The following CEP128 variants were observed in gnomAD, a reference collection of about 807,000 sequenced individuals.
The protein encoded by CEP128 is centrosomal protein 128, also known as centrosomal protein 128kDa.
A neutral mutation model predicts 156.7 loss-of-function variants in CEP128; 132 were observed. The observed-to-expected ratio is 0.84, with a 90% CI of 0.73 to 0.97. The LOEUF (loss-of-function observed/expected upper bound fraction) is 0.97. Ranked by LOEUF, CEP128 falls within the 50% of genes least tolerant of loss-of-function variation. The pLI, the probability that CEP128 is intolerant of heterozygous loss-of-function variation, is 0.00. For missense variants in CEP128, 1,252 were observed against 1,281.9 expected, an observed-to-expected ratio of 0.98 and a Z score of 0.36; for synonymous variants, 469 against 448.9, an observed-to-expected ratio of 1.04 and a Z score of -0.57.
rs1234313412 is a variant in CEP128 at position 80,511,274 on chromosome 14, G to A, written c.3073-6254C>T. ...CTGGGAACCTTTTTATCATGGCTTC[G>A]ATCTCATTACTTGTTATTGGCCTAT... On this transcript the variant is annotated intron_variant, in intron 23 of 24. Coordinates refer to ENST00000555265, the MANE Select transcript of CEP128 (RefSeq NM_152446.5). 2.6e-5 allele frequency among the ~76,000 whole-genome samples: 4 copies of A among 151,702 alleles called. No homozygotes were observed. In the East Asian group the frequency reaches 7.7e-4, roughly 29 times the overall value.
chr14:80,644,577 G>A (rs1003281613), intron 19 of CEP128, among the ~76,000 whole-genome samples: 5 of 152,072 alleles, frequency 3.3e-5, no homozygotes, highest in African/African-American at 9.7e-5. Flanking sequence ...ACAGAATAAT[G>A]AGAAATCAAA....
chr14:80,657,521 C>T (rs1490373448), intron 19 of CEP128, among the ~76,000 whole-genome samples: 1 of 151,468 alleles, frequency 6.6e-6, no homozygotes, highest in Non-Finnish European at 1.5e-5. Context: ...AGTGGTGGTG[C>T]GCGCCTGTAA....
chr14:80,665,518 T>C (rs1227851972), intron 19 of CEP128, among the ~76,000 whole-genome samples: 1 of 152,172 alleles, frequency 6.6e-6, no homozygotes, highest in Non-Finnish European at 1.5e-5. Context: ...ACATACATTT[T>C]TAGCCTTATG....
intron 20 of CEP128, among the ~76,000 whole-genome samples, chr14:80,568,612 A>G (rs1387484503): frequency 6.6e-6 from 1 of 152,218 alleles, no homozygotes; most frequent in Non-Finnish European, 1.5e-5. Flanking sequence ...TTAAACTAAT[A>G]CAATGGCTGA....
intron 9 of CEP128, among the ~76,000 whole-genome samples, chr14:80,852,976 AG>A (rs1478127296): frequency 6.6e-6 from 1 of 151,948 alleles, no homozygotes; most frequent in Non-Finnish European, 1.5e-5. Context: ...GAATGCAAGG[AG>A]GGCTCAACAT....
chr14:80,592,138 C>G (rs1315779476), intron 19 of CEP128, among the ~76,000 whole-genome samples: 4 of 152,014 alleles, frequency 2.6e-5, no homozygotes, highest in Non-Finnish European at 4.4e-5. Context: ...TAGCAGAAGA[C>G]AAGAAATAAC....
chr14:80,758,508 GA>G (rs1899788143), intron 17 of CEP128, among the ~76,000 whole-genome samples: 2 of 141,350 alleles, frequency 1.4e-5, no homozygotes, highest in South Asian at 4.7e-4. Context: ...GGGGACAAGA[GA>G]GAGACTTTGT....
intron 23 of CEP128, among the ~76,000 whole-genome samples, chr14:80,506,542 C>A (rs1241058987): frequency 6.6e-6 from 1 of 151,294 alleles, no homozygotes; most frequent in Non-Finnish European, 1.5e-5. Flanking sequence ...ATGAAAGAAT[C>A]AAGAAATGTT....
At chr14:80,859,576 A>C (rs1424161286) in intron 9 of CEP128, among the ~76,000 whole-genome samples, 1 of 152,016 alleles carries the variant, frequency 6.6e-6, no homozygotes, top group Non-Finnish European at 1.5e-5. Flanking sequence ...TTTTAAAAAA[A>C]AGAAAGAAAA....
intron 18 of CEP128, among the ~76,000 whole-genome samples, chr14:80,754,668 T>G (rs1278829073): frequency 6.6e-6 from 1 of 151,908 alleles, no homozygotes; most frequent in Non-Finnish European, 1.5e-5. Context: ...TTCACCGTGT[T>G]AGCTAGGATG....
chr14:80,715,116 G>A (rs759191927), intron 19 of CEP128, among the ~76,000 whole-genome samples: 2 of 151,904 alleles, frequency 1.3e-5, no homozygotes, highest in African/African-American at 2.4e-5. Flanking sequence ...CAAGCTACTC[G>A]GAAGGCTGAG....
intron 9 of CEP128, among the ~76,000 whole-genome samples, chr14:80,857,234 GT>G (rs528258601): frequency 9.0e-5 from 12 of 133,234 alleles, no homozygotes; most frequent in East Asian, 4.4e-4. Context: ...TTTTTTTACA[GT>G]TTTTTTTTTG....
At chr14:80,714,034 T>C (rs1168267588) in intron 19 of CEP128, among the ~76,000 whole-genome samples, 1 of 152,214 alleles carries the variant, frequency 6.6e-6, no homozygotes, top group Admixed American at 6.5e-5. Context: ...TTAAATATTA[T>C]TGATGCACAG....
intron 19 of CEP128, among the ~76,000 whole-genome samples, chr14:80,702,248 G>T (rs1897099630): frequency 6.6e-6 from 1 of 152,096 alleles, no homozygotes; most frequent in Non-Finnish European, 1.5e-5. Context: ...ATTGTAGTAG[G>T]CACTAAACAA....
At chr14:80,533,577 T>C (rs1326385643) in intron 21 of CEP128, among the ~76,000 whole-genome samples, 1 of 152,188 alleles carries the variant, frequency 6.6e-6, no homozygotes, top group East Asian at 1.9e-4. Context: ...TGGATGTATA[T>C]TCAAACGGCT....
chr14:80,955,875 T>TAGGACCCAGAGATCAAGGGCATCTGCAG (rs376227433), intron 2 of CEP128: 52 of 1,613,880 alleles, frequency 3.2e-5, no homozygotes, highest in Non-Finnish European at 4.4e-5. Flanking sequence ...GAGATCAGGG[T>TAGGACCCAGAGATCAAGGGCATCTGCAG]AGGACCCAGA....
chr14:80,624,390 G>A (rs1232525331), intron 19 of CEP128, among the ~76,000 whole-genome samples: 1 of 152,042 alleles, frequency 6.6e-6, no homozygotes, highest in South Asian at 2.1e-4. Context: ...TAAACATTGG[G>A]GTGCAGGTAC....
At chr14:80,918,735 C>T (rs192253242) in intron 2 of CEP128, among the ~76,000 whole-genome samples, 44 of 152,202 alleles carry the variant, frequency 2.9e-4, no homozygotes, top group African/African-American at 1.1e-3. Flanking sequence ...CTTCTCAACT[C>T]CCTCTCATTT....
intron 8 of CEP128, among the ~76,000 whole-genome samples, chr14:80,891,345 T>C (rs546584198): frequency 3.2e-4 from 49 of 152,178 alleles, no homozygotes; most frequent in Middle Eastern, 6.8e-3. Flanking sequence ...AAATGTGGTG[T>C]TTATACACAA....
Sources: gnomAD v4.1 joint callset for allele counts (sites outside exome capture counted in the v4.1 genomes callset) on GRCh38, gnomAD v4.1.1 for gene constraint, MANE v1.5 for transcripts, NCBI Gene and HGNC (gene_info 2026-07-23, HGNC 2026-07-21) for gene names.